NMNAT3: variants seen among roughly 807,000 people sequenced by gnomAD.
The protein encoded by NMNAT3 is nicotinamide/nicotinic acid mononucleotide adenylyltransferase 3.
A neutral mutation model predicts 24.8 loss-of-function variants in NMNAT3; 21 were observed. That is an observed-to-expected ratio of 0.85 (90% CI 0.60 to 1.22). The LOEUF (loss-of-function observed/expected upper bound fraction) is 1.22. Ranked by LOEUF, NMNAT3 falls within the 50% of genes most tolerant of loss-of-function variation. The pLI, the probability that NMNAT3 is intolerant of heterozygous loss-of-function variation, is 0.00. For synonymous variants in NMNAT3, 136 were observed against 155.2 expected (o/e 0.88, Z 0.92); for missense variants, 387 against 436.6 (o/e 0.89, Z 1.01).
At chr3:139,613,662 G>T (rs2055337955) in intron 3 of NMNAT3, among the ~76,000 whole-genome samples, 1 of 152,082 alleles carries the variant, frequency 6.6e-6, no homozygotes, top group Non-Finnish European at 1.5e-5. Context: ...TATAAATCAT[G>T]CTGCTATAAA....
chr3:139,674,145 T>A (rs1159773580), intron 1 of NMNAT3, among the ~76,000 whole-genome samples: 1 of 152,210 alleles, frequency 6.6e-6, no homozygotes, highest in Admixed American at 6.5e-5. Context: ...CAGTGCTGAC[T>A]TCCAGATGCA....
At chr3:139,661,971 AAC>A (rs1275680146) in intron 1 of NMNAT3, among the ~76,000 whole-genome samples, 4 of 152,188 alleles carry the variant, frequency 2.6e-5, no homozygotes, top group Non-Finnish European at 5.9e-5. Flanking sequence ...AGAAAAATAA[AAC>A]ACAGACACAG....
chr3:139,608,024 A>T (rs564383289), intron 3 of NMNAT3, among the ~76,000 whole-genome samples: 1 of 152,260 alleles, frequency 6.6e-6, no homozygotes, highest in South Asian at 2.1e-4. Flanking sequence ...ACTCTGTTTT[A>T]TCTGAGGCAT....
chr3:139,674,608 T>A (rs1373244082), intron 1 of NMNAT3, among the ~76,000 whole-genome samples: 2 of 152,228 alleles, frequency 1.3e-5, no homozygotes, highest in Non-Finnish European at 2.9e-5. Context: ...TGCAGGTTTT[T>A]TTCTTTTTAA....
intron 1 of NMNAT3, among the ~76,000 whole-genome samples, chr3:139,654,041 T>C (rs1378138095): frequency 2.0e-5 from 3 of 152,164 alleles, no homozygotes; most frequent in Non-Finnish European, 4.4e-5. Context: ...ACACACAGTC[T>C]TACACTGGGA....
upstream of NMNAT3, chr3:139,677,997 C>G (rs986990931): frequency 1.3e-5 from 2 of 152,016 alleles, no homozygotes; most frequent in Non-Finnish European, 2.9e-5. Context: ...TGCGCCCCGC[C>G]CCTTCGCTGG....
At chr3:139,660,277 C>T (rs1052738006) in intron 1 of NMNAT3, among the ~76,000 whole-genome samples, 54 of 152,118 alleles carry the variant, frequency 3.5e-4, no homozygotes, top group African/African-American at 1.3e-3. Context: ...AGTTAATCAG[C>T]CCTCAGAAAA....
chr3:139,670,090 G>T (rs1390604407), intron 1 of NMNAT3, among the ~76,000 whole-genome samples: 2 of 152,114 alleles, frequency 1.3e-5, no homozygotes, highest in African/African-American at 2.4e-5. Context: ...TTTTGGGGTT[G>T]GTTATACTTA....
At position 139,560,929 on chromosome 3, in the gene NMNAT3, C is replaced by G; in HGVS notation, c.*81G>C. 6.9e-7 allele frequency: 1 copy of G among 1,441,474 alleles called. No individual in the cohort carries two copies. The highest frequency in any genetic ancestry group is 9.4e-7 in the Non-Finnish European group (1 of 1,065,396). 89.3% of individuals were successfully genotyped at this position (1,441,474 alleles called of 1,614,324 possible). ...CAAATGAAAAATGGAGAAGCAAAAA[C>G]CAAAGTAAAACAGAAACCTTAACAG... On this transcript the variant is annotated 3_prime_UTR_variant, in exon 7 of 7. Coordinates refer to ENST00000643695, the MANE Select transcript of NMNAT3 (RefSeq NM_001320510.2).
At chr3:139,615,087 A>G (rs1450304673) in intron 3 of NMNAT3, among the ~76,000 whole-genome samples, 1 of 152,138 alleles carries the variant, frequency 6.6e-6, no homozygotes, top group Non-Finnish European at 1.5e-5. Context: ...ATCCCTTATT[A>G]TTTGTTTTTA....
intron 1 of NMNAT3, among the ~76,000 whole-genome samples, chr3:139,640,700 T>G (rs965869168): frequency 8.5e-5 from 13 of 152,194 alleles, no homozygotes; most frequent in Admixed American, 2.6e-4. Flanking sequence ...GAAGAGCTGT[T>G]CACCTGATAC....
At chr3:139,665,725 G>GGAGAGAGAGAGAGAGA (rs10547665) in intron 1 of NMNAT3, among the ~76,000 whole-genome samples, 1 of 139,566 alleles carries the variant, frequency 7.2e-6, no homozygotes, top group African/African-American at 2.7e-5. Flanking sequence ...ATTTGTAACA[G>GGAGAGAGAGAGAGAGA]GAGAGAGAGA....
At chr3:139,665,725 GGAGAGAGA>G (rs10547665) in intron 1 of NMNAT3, among the ~76,000 whole-genome samples, 32,819 of 139,586 alleles carry the variant, frequency 0.24, 4,093 homozygotes, top group South Asian at 0.39. Context: ...ATTTGTAACA[GGAGAGAGA>G]GAGAGAGAGA....
At chr3:139,590,440 A>AT (rs1372177621) in intron 3 of NMNAT3, among the ~76,000 whole-genome samples, 3 of 152,086 alleles carry the variant, frequency 2.0e-5, no homozygotes, top group African/African-American at 7.2e-5. Context: ...TGAAATCTTC[A>AT]TTTTTCCTGA....
Position 139,561,353 on chromosome 3 carries a change from A to C in NMNAT3, c.698T>G (p.Leu233Trp). ...GAGGTTGGGGGTCTGGAAGGTCTTC[A>C]AGACGTCTGCCCCACAGAGAAGCTT... The change falls in exon 7 of 7, where the codon TTG (leucine) becomes TGG (tryptophan). Residue 233 changes from leucine to tryptophan, a missense_variant. This residue lies in a region of NMNAT3 where 323 missense variants were observed against 345.2 expected (regional missense o/e 0.94). Transcript: ENST00000643695. 2 of 1,614,056 alleles carry C rather than the reference A, an allele frequency of 1.2e-6. No individual in the cohort carries two copies. The highest frequency in any genetic ancestry group is 4.5e-5 in the East Asian group (2 of 44,870).
chr3:139,565,984 TA>T (rs1937132037), intron 6 of NMNAT3: 1 of 152,196 alleles, frequency 6.6e-6, no homozygotes, highest in Admixed American at 6.5e-5. Context: ...CACCAAAGTG[TA>T]AAATTCTCCC....
At chr3:139,604,124 C>T (rs1273889461) in intron 3 of NMNAT3, among the ~76,000 whole-genome samples, 1 of 152,164 alleles carries the variant, frequency 6.6e-6, no homozygotes, top group Non-Finnish European at 1.5e-5. Flanking sequence ...CACACGACTG[C>T]ATGTCAGCTA....
At chr3:139,653,989 C>T (rs537273259) in intron 1 of NMNAT3, among the ~76,000 whole-genome samples, 6 of 152,302 alleles carry the variant, frequency 3.9e-5, no homozygotes, top group East Asian at 1.9e-4. Flanking sequence ...TCTGCTCCCC[C>T]CTCTTGTCCC....
chr3:139,609,377 C>T lies in NMNAT3; in HGVS notation c.109+18239G>A, dbSNP rs575895709. 2.0e-4 allele frequency among the ~76,000 whole-genome samples: 30 copies of T among 152,302 alleles called. No individual in the cohort carries two copies. The South Asian group carries it at 3.7e-3, about 19-fold the overall frequency. On this transcript the variant is annotated intron_variant, in intron 3 of 6. Transcript: ENST00000643695. ...AGCAATTATAAGAGGTGCAGTTTCT[C>T]GGCATTCCTTCCAAAATTTGATGGT...
Sources: gnomAD v4.1 joint callset for allele counts (sites outside exome capture counted in the v4.1 genomes callset) on GRCh38, gnomAD v4.1.1 for gene constraint, gnomAD v4.1.1 regional missense constraint, MANE v1.5 for transcripts, NCBI Gene and HGNC (gene_info 2026-07-23, HGNC 2026-07-21) for gene names.